The following SSPN variants were observed in gnomAD, a reference collection of about 807,000 sequenced individuals.
The protein encoded by SSPN is K-ras oncogene-associated protein.
In SSPN, 15 loss-of-function variants were observed where a neutral mutation model predicts 19.1. The ratio of observed to expected loss-of-function variants is 0.78; its 90% CI spans 0.52 to 1.21. SSPN has a LOEUF of 1.21. SSPN is among the 50% of genes most tolerant of loss of function. SSPN has a pLI of 0.00. For missense variants in SSPN, 291 were observed against 314.0 expected (o/e 0.93, Z 0.55); for synonymous variants, 147 against 140.3 (o/e 1.05, Z -0.34).
intron 1 of SSPN, among the ~76,000 whole-genome samples, chr12:26,204,896 C>T (rs1944917966): frequency 6.6e-6 from 1 of 152,152 alleles, no homozygotes; most frequent in Non-Finnish European, 1.5e-5. Flanking sequence ...AAAGGGATGG[C>T]CACGATGGGA....
chr12:26,213,180 A>C (rs1428797760), intron 1 of SSPN, among the ~76,000 whole-genome samples: 4 of 152,122 alleles, frequency 2.6e-5, no homozygotes, highest in African/African-American at 9.7e-5. Flanking sequence ...CAGTAGTGTA[A>C]TCAGAGAAAC....
At chr12:26,194,362 A>G (rs865992838), upstream of SSPN, among the ~76,000 whole-genome samples, 4 of 152,236 alleles carry the variant, frequency 2.6e-5, no homozygotes, top group South Asian at 2.1e-4. Context: ...AAGATGGTCA[A>G]TCCAATCCCC....
At chr12:26,228,338 G>T (rs1591898758) in intron 2 of SSPN, among the ~76,000 whole-genome samples, 1 of 150,602 alleles carries the variant, frequency 6.6e-6, no homozygotes, top group Non-Finnish European at 1.5e-5. Flanking sequence ...GGCAGAAGTT[G>T]CAGTGAGCTG....
intron 1 of SSPN, among the ~76,000 whole-genome samples, chr12:26,140,718 A>G (rs1591846466): frequency 6.6e-6 from 1 of 151,834 alleles, no homozygotes; most frequent in Admixed American, 6.6e-5. Context: ...CTTCCTCTTC[A>G]CCTTCCGTCA....
Position 26,232,500 on chromosome 12 carries a change from T to A in SSPN, c.*1424T>A. On this transcript the variant is annotated 3_prime_UTR_variant, in exon 3 of 3. Coordinates refer to ENST00000242729, the MANE Select transcript of SSPN (RefSeq NM_005086.5). ...GCTTTGTTGAAAGCAGAAATTAAGA[T>A]AATAATTGAGTTCAATTCGCCTCTC... is the stretch of plus-strand genomic sequence containing the variant. 2 of 985,400 alleles carry A rather than the reference T, an allele frequency of 2.0e-6. No individual in the cohort carries two copies. Among genetic ancestry groups the A allele is most frequent in the Non-Finnish European group, 2.4e-6 (2 of 829,896 alleles). The allele number at this position is 985,400 out of a possible 1,614,324, so 61.0% of individuals were successfully genotyped here. A position where few individuals can be genotyped will look rare whatever the true frequency, so the allele number is the denominator to read the frequency against.
intron 1 of SSPN, among the ~76,000 whole-genome samples, chr12:26,217,986 T>C (rs2137497259): frequency 6.6e-6 from 1 of 152,082 alleles, no homozygotes; most frequent in Admixed American, 6.5e-5. Flanking sequence ...CAAAGGACTA[T>C]AAATCATGCT....
chr12:26,154,206 A>G (rs1944543177), intron 1 of SSPN, among the ~76,000 whole-genome samples: 1 of 152,240 alleles, frequency 6.6e-6, no homozygotes, highest in African/African-American at 2.4e-5. Flanking sequence ...CTGATATGTC[A>G]AAAGATGACA....
chr12:26,165,937 G>A (rs1944618054), intron 1 of SSPN, among the ~76,000 whole-genome samples: 1 of 152,144 alleles, frequency 6.6e-6, no homozygotes. Flanking sequence ...TTTTAACTAG[G>A]CTCTCGCTTC....
Position 26,234,015 on chromosome 12 carries a change from C to A in SSPN, c.*2939C>A, listed in dbSNP as rs952731456. ...CTGGAAACTGTAGTCAAGTAACAGG[C>A]CTCACTGTTTTTTTTCTTTGGATTA... On this transcript the variant is annotated 3_prime_UTR_variant, in exon 3 of 3. Coordinates refer to ENST00000242729, the MANE Select transcript of SSPN (RefSeq NM_005086.5). 5 of 152,140 alleles carry A rather than the reference C, an allele frequency of 3.3e-5. No individual in the cohort carries two copies. The highest frequency in any genetic ancestry group is 1.2e-4 in the African/African-American group (5 of 41,412). 9.4% of individuals were successfully genotyped at this position (152,140 alleles called of 1,614,324 possible).
chr12:26,199,381 G>A (rs34218011), intron 1 of SSPN, among the ~76,000 whole-genome samples: 22,882 of 152,084 alleles, frequency 0.15, 2,000 homozygotes, highest in East Asian at 0.36. Context: ...TTCCTGTAAG[G>A]GGGGAAAAAA....
intron 1 of SSPN, among the ~76,000 whole-genome samples, chr12:26,202,856 G>C (rs1480200027): frequency 1.3e-5 from 2 of 152,170 alleles, no homozygotes; most frequent in Non-Finnish European, 2.9e-5. Flanking sequence ...GTATTAGTCT[G>C]TTCTCACGCT....
At chr12:26,151,782 G>T (rs1364339116) in intron 1 of SSPN, among the ~76,000 whole-genome samples, 1 of 152,036 alleles carries the variant, frequency 6.6e-6, no homozygotes, top group African/African-American at 2.4e-5. Context: ...GCCACATGTG[G>T]AGAAAAAAAA....
chr12:26,154,376 A>G (rs1944544033), intron 1 of SSPN, among the ~76,000 whole-genome samples: 1 of 152,230 alleles, frequency 6.6e-6, no homozygotes, highest in South Asian at 2.1e-4. Context: ...CTATAGATGC[A>G]AGATAGATTT....
intron 1 of SSPN, among the ~76,000 whole-genome samples, chr12:26,172,256 T>A (rs1253971904): frequency 6.6e-6 from 1 of 152,206 alleles, no homozygotes; most frequent in Non-Finnish European, 1.5e-5. Flanking sequence ...TAAATGTGTA[T>A]GAAAATAATT....
At position 26,233,331 on chromosome 12, in the gene SSPN, G is replaced by GATATATATATATATATATATAT. The variant is rs10547333; in HGVS notation, c.*2274_*2275insTATATATATATATATATATATA. ...CTTTATAATAGTATAACCGTCAGGA[G>GATATATATATATATATATATAT]ATATATATATATATATATACACATA... On this transcript the variant is annotated 3_prime_UTR_variant, in exon 3 of 3. Coordinates refer to ENST00000242729, the MANE Select transcript of SSPN (RefSeq NM_005086.5). This position sits in a 1 kb window ranked among gnomAD's most constrained non-coding sequence, Gnocchi z 4.3. 266 of 144,382 alleles carry GATATATATATATATATATATAT rather than the reference G, an allele frequency of 1.8e-3. No homozygotes were observed. Among genetic ancestry groups the GATATATATATATATATATATAT allele is most frequent in the African/African-American group, 6.7e-3 (243 of 36,338 alleles). 8.9% of individuals were successfully genotyped at this position (144,382 alleles called of 1,614,324 possible).
At chr12:26,149,439 T>C (rs973699886) in intron 1 of SSPN, among the ~76,000 whole-genome samples, 9 of 152,192 alleles carry the variant, frequency 5.9e-5, no homozygotes, top group Admixed American at 1.3e-4. Flanking sequence ...CTCACTTTAT[T>C]TGGGGGCAAA....
intron 1 of SSPN, among the ~76,000 whole-genome samples, chr12:26,170,401 G>A (rs1222070031): frequency 6.6e-6 from 1 of 152,150 alleles, no homozygotes; most frequent in African/African-American, 2.4e-5. Flanking sequence ...CTCTAAGTAA[G>A]AACTGTCCTA....
chr12:26,206,991 C>T (rs1329456437), intron 1 of SSPN, among the ~76,000 whole-genome samples: 4 of 152,170 alleles, frequency 2.6e-5, no homozygotes, highest in Admixed American at 6.5e-5. Flanking sequence ...GTACAACTAA[C>T]TGCAATTTAG....
intron 1 of SSPN, among the ~76,000 whole-genome samples, chr12:26,136,114 T>C (rs1944423615): frequency 6.6e-6 from 1 of 152,232 alleles, no homozygotes; most frequent in Non-Finnish European, 1.5e-5. Flanking sequence ...CTCTAAACAA[T>C]ACAGTTTATT....
Sources: allele counts gnomAD v4.1 joint callset (sites outside exome capture counted in the v4.1 genomes callset), GRCh38; gene constraint gnomAD v4.1.1; non-coding constraint Gnocchi (gnomAD v3.1); transcripts MANE v1.5; gene names NCBI Gene and HGNC (gene_info 2026-07-23, HGNC 2026-07-21).